Variants in NLRP1 observed in about 807,000 individuals in gnomAD.
The protein encoded by NLRP1 is NACHT, LRR and PYD domains-containing protein 1.
Under a neutral mutation model 136.7 loss-of-function variants are expected in NLRP1, and 94 were observed. The ratio of observed to expected loss-of-function variants is 0.69; its 90% CI spans 0.58 to 0.82. NLRP1 has a LOEUF of 0.82. NLRP1 is among the 40% of genes least tolerant of loss of function. NLRP1 has a pLI of 0.00. For synonymous variants in NLRP1, 690 were observed against 725.1 expected (o/e 0.95, Z 0.78); for missense variants, 1,575 against 1,802.7 (o/e 0.87, Z 2.29).
chr17:5,535,256 C>G (rs945926929), intron 8 of NLRP1, among the ~76,000 whole-genome samples: 2 of 151,976 alleles, frequency 1.3e-5, no homozygotes, highest in African/African-American at 4.8e-5. Context: ...GGCCCCACCC[C>G]AGAGATTCTG....
chr17:5,573,010 A>C (rs1419174974), intron 3 of NLRP1, among the ~76,000 whole-genome samples: 1 of 152,190 alleles, frequency 6.6e-6, no homozygotes, highest in Non-Finnish European at 1.5e-5. Context: ...AAGCCAAAGC[A>C]GGGCGAGGCA....
At chr17:5,525,450 C>T (rs1182726704) in intron 12 of NLRP1, among the ~76,000 whole-genome samples, 1 of 152,220 alleles carries the variant, frequency 6.6e-6, no homozygotes, top group East Asian at 1.9e-4. Context: ...GTCCAGGAGC[C>T]TGGGGACTCT....
chr17:5,520,399 G>A (rs892061405), intron 14 of NLRP1, among the ~76,000 whole-genome samples: 8 of 152,132 alleles, frequency 5.3e-5, no homozygotes, highest in East Asian at 1.9e-4. Context: ...ACAAATCTCC[G>A]TGTGGCCTGA....
intron 11 of NLRP1, among the ~76,000 whole-genome samples, chr17:5,531,173 A>AATCAATCT (rs1555543822): frequency 9.9e-5 from 14 of 141,482 alleles, no homozygotes; most frequent in African/African-American, 3.2e-4. Context: ...TAATCTATCT[A>AATCAATCT]ATCTATCTAT....
At chr17:5,539,391 C>T (rs759464995) in intron 7 of NLRP1, 24 bp downstream of exon 7, 3 of 1,600,268 alleles carry the variant, frequency 1.9e-6, no homozygotes, top group Non-Finnish European at 8.5e-7. Flanking sequence ...TCCCTCTGCC[C>T]AGAAGGGACC....
intron 6 of NLRP1, among the ~76,000 whole-genome samples, chr17:5,539,948 C>T (rs2151771735): frequency 6.6e-6 from 1 of 152,292 alleles, no homozygotes; most frequent in South Asian, 2.1e-4. Context: ...ACTCTGTGTC[C>T]CAGGCCTCCC....
intron 13 of NLRP1, among the ~76,000 whole-genome samples, chr17:5,521,254 G>A (rs1198635269): frequency 1.3e-5 from 2 of 152,190 alleles, no homozygotes; most frequent in African/African-American, 2.4e-5. Context: ...TAGGCATGGA[G>A]GACTCCAATC....
At chr17:5,580,081 A>C (rs987045846) in intron 3 of NLRP1, among the ~76,000 whole-genome samples, 3 of 151,982 alleles carry the variant, frequency 2.0e-5, no homozygotes, top group Non-Finnish European at 4.4e-5. Flanking sequence ...TAAAAATACA[A>C]AAAATTAGCA....
chr17:5,568,725 A>G (rs893095696), intron 3 of NLRP1, among the ~76,000 whole-genome samples: 1 of 152,232 alleles, frequency 6.6e-6, no homozygotes, highest in Non-Finnish European at 1.5e-5. Flanking sequence ...AAAGGACTTG[A>G]GTTTTGTGAT....
downstream of NLRP1, among the ~76,000 whole-genome samples, chr17:5,511,433 T>C (rs1907617621): frequency 4.4e-5 from 4 of 90,178 alleles, no homozygotes; most frequent in African/African-American, 1.0e-4. Flanking sequence ...AGAGCGAGCC[T>C]CCGTCTAAAA....
At chr17:5,509,990 T>C (rs979125567), downstream of NLRP1, among the ~76,000 whole-genome samples, 1 of 152,224 alleles carries the variant, frequency 6.6e-6, no homozygotes, top group African/African-American at 2.4e-5. Flanking sequence ...ATCATCTCCA[T>C]GTGCTGTTCA....
chr17:5,557,089 C>T (rs751503701), intron 4 of NLRP1, among the ~76,000 whole-genome samples: 18 of 152,094 alleles, frequency 1.2e-4, no homozygotes, highest in African/African-American at 3.6e-4. Flanking sequence ...TTGCAAACTC[C>T]GTCTCCCAGA....
In NLRP1 at chr17:5,518,040, C is replaced by T. The variant is rs902440753; in HGVS notation, c.3916-153G>A. ...CATCACCTTCAGACATTGCTCTTTT[C>T]CCAATTTTCCACAGAAGGATGAGGA... On this transcript the variant is annotated intron_variant, in intron 14 of 16. Transcript: ENST00000572272. The T allele has an allele frequency of 1.0e-5, 7 of 689,870 alleles. No individual in the cohort carries two copies. The African/African-American group carries it at 1.1e-4, about 11-fold the overall frequency. 42.7% of individuals were successfully genotyped at this position (689,870 alleles called of 1,614,324 possible).
Position 5,537,357 on chromosome 17 carries a change from G to A in NLRP1, c.2871-417C>T, listed in dbSNP as rs899667861. Among the ~76,000 whole-genome samples, 1 of 152,166 alleles carries A rather than the reference G, an allele frequency of 6.6e-6. No individual in the cohort carries two copies. The highest frequency in any genetic ancestry group is 1.5e-5 in the Non-Finnish European group (1 of 68,018). On this transcript the variant is annotated intron_variant, in intron 7 of 16. Coordinates refer to ENST00000572272, the MANE Select transcript of NLRP1 (RefSeq NM_033004.4). This position sits in a 1 kb window ranked among gnomAD's most constrained non-coding sequence, Gnocchi z 4.5. Reference sequence around the variant, plus strand: ...ACTGGCAGAGGCTGTCTCTACAGCCGGCTGCCAGGGATTTCCCCATGGCCT... The same window carrying A: ...ACTGGCAGAGGCTGTCTCTACAGCCAGCTGCCAGGGATTTCCCCATGGCCT...
At chr17:5,516,674 C>G (rs989611801) in intron 15 of NLRP1, among the ~76,000 whole-genome samples, 2 of 152,182 alleles carry the variant, frequency 1.3e-5, no homozygotes, top group Non-Finnish European at 2.9e-5. Context: ...TTTTTACAGA[C>G]GAGGGACTCA....
In NLRP1 at chr17:5,539,421, C is replaced by T. The variant is rs147319843; in HGVS notation, c.2864G>A (p.Arg955His). The T allele has an allele frequency of 3.6e-5, 58 of 1,611,838 alleles. No homozygotes were observed. The highest frequency in any genetic ancestry group is 4.8e-5 in the Non-Finnish European group (56 of 1,178,894). Residue 955 changes from arginine to histidine, a missense_variant, in exon 7 of 17, where the codon CGC becomes CAC. Transcript: ENST00000572272. ...GLRHPACKLI[R>H]LGLDQTTLSD... ...GGGACCCACAGGGCCTTACCCCAGGCGTATGAGTTTGCAGGCAGGATGCCT... is the reference window on the plus strand; with the variant it reads ...GGGACCCACAGGGCCTTACCCCAGGTGTATGAGTTTGCAGGCAGGATGCCT...
downstream of NLRP1, among the ~76,000 whole-genome samples, chr17:5,511,302 G>A (rs771861304): frequency 6.6e-6 from 1 of 151,978 alleles, no homozygotes. Context: ...TGTGGTGGTG[G>A]GCGCCTGTAA....
chr17:5,528,938 G>A (rs1909888096), intron 12 of NLRP1, among the ~76,000 whole-genome samples: 1 of 152,134 alleles, frequency 6.6e-6, no homozygotes, highest in African/African-American at 2.4e-5. Flanking sequence ...AACATAAATT[G>A]TTTATCAAAT....
At chr17:5,549,597 T>C (rs1366408158) in intron 5 of NLRP1, among the ~76,000 whole-genome samples, 5 of 152,224 alleles carry the variant, frequency 3.3e-5, no homozygotes, top group Non-Finnish European at 7.3e-5. Flanking sequence ...TTAATATTTG[T>C]AGATTCCTTA....
Sources: gnomAD v4.1 joint callset for allele counts (sites outside exome capture counted in the v4.1 genomes callset) on GRCh38, gnomAD v4.1.1 for gene constraint, Gnocchi (gnomAD v3.1) non-coding constraint, MANE v1.5 for transcripts, NCBI Gene and HGNC (gene_info 2026-07-23, HGNC 2026-07-21) for gene names.